SDK1: variants seen among roughly 807,000 people sequenced by gnomAD.
SDK1 encodes protein sidekick-1.
SDK1 carries 157 observed loss-of-function variants against 245.5 expected under a neutral mutation model. That is an observed-to-expected ratio of 0.64 (90% CI 0.56 to 0.73). The LOEUF (loss-of-function observed/expected upper bound fraction) is 0.73. Ranked by LOEUF, SDK1 falls within the 30% of genes least tolerant of loss-of-function variation. The probability of loss-of-function intolerance (pLI) is 0.00; values close to 1 mark genes in which losing one functional copy is unlikely to be tolerated. For missense variants in SDK1, 3,583 were observed against 3,002.3 expected, an observed-to-expected ratio of 1.19 and a Z score of -4.52; for synonymous variants, 1,647 against 1,278.5, an observed-to-expected ratio of 1.29 and a Z score of -6.15.
In SDK1 at chr7:3,501,177, C is replaced by G. The variant is rs189953965; in HGVS notation, c.299-117903C>G. Among the ~76,000 whole-genome samples the G allele has an allele frequency of 5.3e-5, 8 of 152,242 alleles. No homozygotes were observed. In the South Asian group the frequency reaches 1.7e-3, roughly 32 times the overall value. On this transcript the variant is annotated intron_variant, in intron 1 of 44. Transcript: ENST00000404826. ...GCATATTATTTCATTGCAGGGTGATCTGCTTGAGCTCTTTTCTTGGGGTAA... is the reference window on the plus strand; with the variant it reads ...GCATATTATTTCATTGCAGGGTGATGTGCTTGAGCTCTTTTCTTGGGGTAA...
intron 44 of SDK1, among the ~76,000 whole-genome samples, chr7:4,261,975 C>T (rs1364724542): frequency 6.8e-6 from 1 of 147,966 alleles, no homozygotes; most frequent in Non-Finnish European, 1.5e-5. Flanking sequence ...AAACCTCCAC[C>T]TTCTTAGGGG....
At chr7:4,137,175 A>G (rs986726480) in intron 28 of SDK1, among the ~76,000 whole-genome samples, 5 of 152,196 alleles carry the variant, frequency 3.3e-5, no homozygotes, top group Admixed American at 1.3e-4. Context: ...CACACCTGTA[A>G]TCCCAGCTAC....
At chr7:3,570,440 T>C (rs986492001) in intron 1 of SDK1, among the ~76,000 whole-genome samples, 1 of 152,044 alleles carries the variant, frequency 6.6e-6, no homozygotes, top group African/African-American at 2.4e-5. Context: ...TGCAGCTGGT[T>C]CCTAACAGGC....
intron 4 of SDK1, among the ~76,000 whole-genome samples, chr7:3,800,907 C>T (rs564611146): frequency 1.3e-5 from 2 of 152,164 alleles, no homozygotes; most frequent in Non-Finnish European, 2.9e-5. Context: ...GTGGACTTGT[C>T]CTTGTTACAG....
At chr7:3,942,337 ACT>A (rs1306195712) in intron 5 of SDK1, among the ~76,000 whole-genome samples, 1 of 152,128 alleles carries the variant, frequency 6.6e-6, no homozygotes, top group Non-Finnish European at 1.5e-5. Context: ...GCAGGTAATG[ACT>A]CTGCAGAGAC....
intron 4 of SDK1, among the ~76,000 whole-genome samples, chr7:3,777,134 G>A (rs1020116222): frequency 3.3e-5 from 5 of 152,198 alleles, no homozygotes; most frequent in African/African-American, 9.7e-5. Flanking sequence ...TACATTGGAT[G>A]AGATAAAAGT....
intron 28 of SDK1, among the ~76,000 whole-genome samples, chr7:4,134,048 A>C (rs145254814): frequency 6.6e-6 from 1 of 152,312 alleles, no homozygotes; most frequent in East Asian, 1.9e-4. Context: ...AAAGCTGCGC[A>C]ATCAGATTTG....
In SDK1 at chr7:4,249,613, G is replaced by A. The variant is rs1787157528; in HGVS notation, c.6381+3808G>A. On this transcript the variant is annotated intron_variant, in intron 44 of 44. Coordinates refer to ENST00000404826, the MANE Select transcript of SDK1 (RefSeq NM_152744.4). ...CCAGCTAGCATCCCATAGAGTCCCAGCTAAGAATCCCCACACCTGGACCAT... is the reference window on the plus strand; with the variant it reads ...CCAGCTAGCATCCCATAGAGTCCCAACTAAGAATCCCCACACCTGGACCAT... 2.0e-5 allele frequency among the ~76,000 whole-genome samples: 3 copies of A among 152,190 alleles called. No homozygotes were observed. In the South Asian group the frequency reaches 6.2e-4, roughly 31 times the overall value.
chr7:3,680,271 A>G (rs1186129052), intron 4 of SDK1, among the ~76,000 whole-genome samples: 1 of 152,144 alleles, frequency 6.6e-6, no homozygotes, highest in East Asian at 1.9e-4. Flanking sequence ...GAAAATATTA[A>G]TGGTCGCAGG....
chr7:3,323,141 T>C (rs1779858205), intron 1 of SDK1, among the ~76,000 whole-genome samples: 1 of 152,114 alleles, frequency 6.6e-6, no homozygotes. Context: ...TTAACTGTGA[T>C]GCTGTCTCCT....
At chr7:3,575,732 G>C (rs1424364251) in intron 1 of SDK1, among the ~76,000 whole-genome samples, 2 of 151,858 alleles carry the variant, frequency 1.3e-5, no homozygotes, top group South Asian at 4.1e-4. Context: ...CATTTTTTTT[G>C]TTCTCCCAGA....
intron 5 of SDK1, among the ~76,000 whole-genome samples, chr7:3,911,071 TG>T (rs1218521581): frequency 6.6e-6 from 1 of 152,108 alleles, no homozygotes; most frequent in East Asian, 1.9e-4. Context: ...CTCTCCATTT[TG>T]GGGGGACTAG....
At chr7:3,919,012 CTA>C (rs1012315180) in intron 5 of SDK1, among the ~76,000 whole-genome samples, 10 of 152,202 alleles carry the variant, frequency 6.6e-5, no homozygotes, top group African/African-American at 2.2e-4. Flanking sequence ...TAACTCATAA[CTA>C]TTACTATCAT....
At chr7:3,782,200 C>T (rs1780766885) in intron 4 of SDK1, among the ~76,000 whole-genome samples, 1 of 152,156 alleles carries the variant, frequency 6.6e-6, no homozygotes, top group African/African-American at 2.4e-5. Flanking sequence ...AGGAAGCTTA[C>T]AATCCTGGCA....
In SDK1 at chr7:4,077,072, G is replaced by A. The variant is rs745992082; in HGVS notation, c.3085G>A (p.Glu1029Lys). The change falls in exon 21 of 45, where the codon GAG (glutamate) becomes AAG (lysine). Residue 1029 changes from glutamate to lysine, a missense_variant. Physicochemically the swap from Glu to Lys is moderately conservative, Grantham distance 56. Transcript: ENST00000404826. ...LTHTLNSTTHEYKIQGLSSLT... is the reference protein window; with the variant it reads ...LTHTLNSTTHKYKIQGLSSLT... ...GCACACCCTGAACAGCACGACGCAC[G>A]AGTACAAGATCCAAGGCCTCTCATC... The A allele has an allele frequency of 6.2e-6, 10 of 1,614,066 alleles. No individual in the cohort carries two copies. Among genetic ancestry groups the A allele is most frequent in the African/African-American group, 2.7e-5 (2 of 74,924 alleles).
chr7:3,961,751 C>G (rs114786304), intron 8 of SDK1, among the ~76,000 whole-genome samples: 1 of 152,186 alleles, frequency 6.6e-6, no homozygotes, highest in Non-Finnish European at 1.5e-5. Flanking sequence ...TCATTGTTAG[C>G]TGTTGGGATG....
intron 1 of SDK1, among the ~76,000 whole-genome samples, chr7:3,329,885 G>A (rs564769728): frequency 4.6e-5 from 7 of 152,220 alleles, no homozygotes; most frequent in East Asian, 1.9e-4. Flanking sequence ...GTAATCTAGC[G>A]ATGACTTAAT....
chr7:3,624,722 T>C (rs1472096065), intron 2 of SDK1, among the ~76,000 whole-genome samples: 2 of 151,976 alleles, frequency 1.3e-5, no homozygotes, highest in Non-Finnish European at 2.9e-5. Context: ...CAGAGGAGCA[T>C]TTTGAACCAG....
chr7:4,238,464 T>C (rs986620464), intron 42 of SDK1, among the ~76,000 whole-genome samples: 11 of 152,092 alleles, frequency 7.2e-5, no homozygotes, highest in African/African-American at 2.7e-4. Context: ...TTTTGGAGGC[T>C]AAGGCTGAGG....
Sources: allele counts gnomAD v4.1 joint callset (sites outside exome capture counted in the v4.1 genomes callset), GRCh38; gene constraint gnomAD v4.1.1; transcripts MANE v1.5; gene names NCBI Gene and HGNC (gene_info 2026-07-23, HGNC 2026-07-21).